The following VTCN1 variants were observed in gnomAD, a reference collection of about 807,000 sequenced individuals.
VTCN1 encodes V-set domain containing T cell activation inhibitor 1, also known as V-set domain-containing T-cell activation inhibitor 1.
In VTCN1, 26 loss-of-function variants were observed where a neutral mutation model predicts 26.5. The observed-to-expected ratio is 0.98, with a 90% CI of 0.72 to 1.36. The LOEUF is 1.36. Ranked by LOEUF, VTCN1 falls within the 40% of genes most tolerant of loss-of-function variation. The pLI is 0.00. For missense variants in VTCN1, 298 were observed against 337.7 expected (o/e 0.88, Z 0.92); for synonymous variants, 116 against 130.7 (o/e 0.89, Z 0.77).
chr1:117,206,308 T>A (rs113240971), intron 1 of VTCN1, among the ~76,000 whole-genome samples: 2,617 of 152,214 alleles, frequency 0.017, 74 homozygotes, highest in African/African-American at 0.06. Context: ...AGTGGAGTCG[T>A]GAAATTGAAG....
chr1:117,151,625 T>A (rs1391969086), intron 4 of VTCN1, among the ~76,000 whole-genome samples: 1 of 146,746 alleles, frequency 6.8e-6, no homozygotes, highest in Non-Finnish European at 1.5e-5. Flanking sequence ...GCATTTACAA[T>A]CCTTTAGCTA....
chr1:117,148,299 C>T (rs781541369), intron 4 of VTCN1, among the ~76,000 whole-genome samples: 2 of 152,184 alleles, frequency 1.3e-5, no homozygotes, highest in Non-Finnish European at 2.9e-5. Flanking sequence ...AGCTCTGTCA[C>T]TTACCAGCTG....
At chr1:117,185,684 T>C (rs1311165121) in intron 1 of VTCN1, among the ~76,000 whole-genome samples, 1 of 152,222 alleles carries the variant, frequency 6.6e-6, no homozygotes, top group Non-Finnish European at 1.5e-5. Flanking sequence ...CTCTGAAGCC[T>C]ACTTGGAGGC....
In VTCN1 at chr1:117,156,673, G is replaced by C; in HGVS notation, c.346C>G (p.Arg116Gly). ...DQVIVGNASL[R>G]LKNVQLTDAG... is the part of the protein sequence containing the mutation. ...TCTGTGAGTTGCACGTTTTTCAGCCGCAAAGAGGCATTGCCAACTATCACT... is the reference window on the plus strand; with the variant it reads ...TCTGTGAGTTGCACGTTTTTCAGCCCCAAAGAGGCATTGCCAACTATCACT... The change falls in exon 3 of 6, where the codon CGG becomes GGG. Residue 116 changes from arginine to glycine, a missense_variant. Transcript: ENST00000369458. 6.2e-7 allele frequency: 1 copy of C among 1,614,068 alleles called. No homozygotes were observed. The highest frequency in any genetic ancestry group is 8.5e-7 in the Non-Finnish European group (1 of 1,180,002).
rs1651553509 is a variant in VTCN1 at position 117,147,140 on chromosome 1, A to C, written c.*45+473T>G. Among the ~76,000 whole-genome samples, 1 of 152,078 alleles carries C rather than the reference A, an allele frequency of 6.6e-6. No individual in the cohort carries two copies. The highest frequency in any genetic ancestry group is 1.5e-5 in the Non-Finnish European group (1 of 68,016). On this transcript the variant is annotated intron_variant, in intron 5 of 5. Coordinates refer to ENST00000369458, the MANE Select transcript of VTCN1 (RefSeq NM_024626.4). This position sits in a 1 kb window ranked among gnomAD's most constrained non-coding sequence, Gnocchi z 4.6. ...ATTCAAAAGGAAATATCCTAACAAT[A>C]ATTGGAGCCAGAGGACTGAAGTGAG...
chr1:117,170,147 C>A lies in VTCN1; in HGVS notation c.57G>T (p.Leu19=). ...FWSIISIIII[L]AGAIALIIGF... ...CAATGATGAGTGCAATTGCTCCAGC[C>A]AGAATAATGATGATGCTAATTATGC... The change falls in exon 2 of 6, where the codon CTG becomes CTT. Residue 19 remains leucine (L), a synonymous_variant. Transcript: ENST00000369458. 1.9e-6 allele frequency: 3 copies of A among 1,613,794 alleles called. No homozygotes were observed. Among genetic ancestry groups the A allele is most frequent in the Non-Finnish European group, 2.5e-6 (3 of 1,179,924 alleles).
At chr1:117,178,229 G>A (rs1377752929) in intron 1 of VTCN1, among the ~76,000 whole-genome samples, 1 of 150,558 alleles carries the variant, frequency 6.6e-6, no homozygotes, top group Non-Finnish European at 1.5e-5. Flanking sequence ...ACACCTGGCT[G>A]AGTGTTTTTG....
chr1:117,204,170 G>A lies in VTCN1; in HGVS notation c.32+6654C>T, dbSNP rs182013608. 5.4e-4 allele frequency among the ~76,000 whole-genome samples: 82 copies of A among 152,262 alleles called. 1 individual carries two copies. The East Asian group carries it at 8.9e-3, about 16-fold the overall frequency. The stretch of plus-strand genomic sequence containing the variant: ...GTCTCTGTTTTTCTGCAAAAACATC[G>A]GAGGGAATAATTTGAGACTAATTAA... On this transcript the variant is annotated intron_variant, in intron 1 of 5. Coordinates refer to ENST00000369458, the MANE Select transcript of VTCN1 (RefSeq NM_024626.4).
intron 1 of VTCN1, among the ~76,000 whole-genome samples, chr1:117,177,921 C>CTTTTTT (rs79283862): frequency 3.4e-5 from 4 of 119,092 alleles, no homozygotes; most frequent in Non-Finnish European, 1.8e-5. Context: ...GTTTTCTTTT[C>CTTTTTT]TTTTTTTTTT....
At chr1:117,150,350 G>T (rs916748410) in intron 4 of VTCN1, among the ~76,000 whole-genome samples, 1 of 152,214 alleles carries the variant, frequency 6.6e-6, no homozygotes, top group Non-Finnish European at 1.5e-5. Context: ...AGTAAAGAGA[G>T]AATTAAGTAG....
Position 117,166,599 on chromosome 1 carries a change from C to CA in VTCN1, c.97+3507dup, listed in dbSNP as rs200420922. ...TGAAACCCTGTCCCTACTAAAAATA[C>CA]AAAAAAATTAGCCAGGTGTGGTGGT... On this transcript the variant is annotated intron_variant, in intron 2 of 5. Coordinates refer to ENST00000369458, the MANE Select transcript of VTCN1 (RefSeq NM_024626.4). Among the ~76,000 whole-genome samples the CA allele has an allele frequency of 5.6e-3, 752 of 135,458 alleles. 8 individuals are homozygous for CA. The highest frequency in any genetic ancestry group is 0.02 in the African/African-American group (709 of 36,018). 88.9% of individuals were successfully genotyped at this position (135,458 alleles called of 152,430 possible). A position where few individuals can be genotyped will look rare whatever the true frequency, so the allele number is the denominator to read the frequency against.
chr1:117,184,719 T>C (rs1253849831), intron 1 of VTCN1, among the ~76,000 whole-genome samples: 1 of 152,182 alleles, frequency 6.6e-6, no homozygotes, highest in Non-Finnish European at 1.5e-5. Flanking sequence ...GTGCCTGGCA[T>C]GGAGCAAAGG....
intron 2 of VTCN1, among the ~76,000 whole-genome samples, chr1:117,157,438 T>C (rs564059638): frequency 1.3e-5 from 2 of 152,100 alleles, no homozygotes; most frequent in African/African-American, 4.8e-5. Flanking sequence ...AGGCACTTCT[T>C]ACATGGTGGT....
rs949130620 is a variant in VTCN1 at position 117,159,659 on chromosome 1, C to G, written c.98-2738G>C. ...TAAGGTATTGTTATTCTCAGTTAACCAGAAGTAGCACAGAAGTGAAATCTC... is the reference window on the plus strand; with the variant it reads ...TAAGGTATTGTTATTCTCAGTTAACGAGAAGTAGCACAGAAGTGAAATCTC... On this transcript the variant is annotated intron_variant, in intron 2 of 5. Transcript: ENST00000369458. This position sits in a 1 kb window ranked among gnomAD's most constrained non-coding sequence, Gnocchi z 4.7. 6.6e-6 allele frequency among the ~76,000 whole-genome samples: 1 copy of G among 152,178 alleles called. No individual in the cohort carries two copies. The highest frequency in any genetic ancestry group is 6.5e-5 in the Admixed American group (1 of 15,284).
intron 1 of VTCN1, among the ~76,000 whole-genome samples, chr1:117,172,820 CACCAATCAGCACTCT>C (rs1557868173): frequency 3.0e-4 from 20 of 66,784 alleles, no homozygotes; most frequent in Non-Finnish European, 7.0e-4. Flanking sequence ...TGTAAAAATG[CACCAATCAGCACTCT>C]GTATTTAGCT....
chr1:117,160,485 A>C (rs894496934), intron 2 of VTCN1, among the ~76,000 whole-genome samples: 3 of 152,060 alleles, frequency 2.0e-5, no homozygotes, highest in Non-Finnish European at 4.4e-5. Flanking sequence ...TTTTCTAATC[A>C]CTCATCTTTA....
At chr1:117,203,025 G>A (rs1648865613) in intron 1 of VTCN1, among the ~76,000 whole-genome samples, 3 of 152,158 alleles carry the variant, frequency 2.0e-5, no homozygotes, top group Non-Finnish European at 4.4e-5. Context: ...TGCTGGAGGA[G>A]GTGTTTGCGA....
chr1:117,177,505 G>A (rs1376276948), intron 1 of VTCN1, among the ~76,000 whole-genome samples: 1 of 152,212 alleles, frequency 6.6e-6, no homozygotes, highest in East Asian at 1.9e-4. Context: ...TGTGGGGCTT[G>A]AGGGGTGTGT....
In VTCN1 at chr1:117,143,724, A is replaced by AG. The variant is rs1246890626; in HGVS notation, c.*1546dup. ...TGGTTAACACATGAAGAGTGTGGGA[A>AG]GGGGGCTGGAAACAAAGTATTCTTT... On this transcript the variant is annotated 3_prime_UTR_variant, in exon 6 of 6. Coordinates refer to ENST00000369458, the MANE Select transcript of VTCN1 (RefSeq NM_024626.4). 1 of 152,238 alleles carries AG rather than the reference A, an allele frequency of 6.6e-6. No individual in the cohort carries two copies. The highest frequency in any genetic ancestry group is 1.5e-5 in the Non-Finnish European group (1 of 68,064). The allele number at this position is 152,238 out of a possible 1,614,324, so 9.4% of individuals were successfully genotyped here. A position where few individuals can be genotyped will look rare whatever the true frequency, so the allele number is the denominator to read the frequency against.
Sources: gnomAD v4.1 joint callset for allele counts (sites outside exome capture counted in the v4.1 genomes callset) on GRCh38, gnomAD v4.1.1 for gene constraint, Gnocchi (gnomAD v3.1) non-coding constraint, MANE v1.5 for transcripts, NCBI Gene and HGNC (gene_info 2026-07-23, HGNC 2026-07-21) for gene names.